Variants in SLC35F1 observed in about 807,000 individuals in gnomAD.
The protein encoded by SLC35F1 is solute carrier family 35 member F1, also known as chromosome 6 open reading frame 169.
Under a neutral mutation model 48.7 loss-of-function variants are expected in SLC35F1, and 14 were observed. That is an observed-to-expected ratio of 0.29 (90% confidence interval 0.19 to 0.45). The LOEUF (loss-of-function observed/expected upper bound fraction) is 0.45, where lower values mean the gene tolerates loss of function less well. Ranked by LOEUF, SLC35F1 falls within the 20% of genes least tolerant of loss-of-function variation. The probability of loss-of-function intolerance (pLI) is 1.00; values close to 1 mark genes in which losing one functional copy is unlikely to be tolerated. For missense variants in SLC35F1, 404 were observed against 500.0 expected, an observed-to-expected ratio of 0.81 and a Z score of 1.83; for synonymous variants, 190 against 202.2, an observed-to-expected ratio of 0.94 and a Z score of 0.51.
At chr6:118,288,101 A>G (rs1263246459) in intron 7 of SLC35F1, among the ~76,000 whole-genome samples, 1 of 151,976 alleles carries the variant, frequency 6.6e-6, no homozygotes, top group Admixed American at 6.6e-5. Context: ...GATCCAACAT[A>G]GTAGTCATTT....
intron 4 of SLC35F1, among the ~76,000 whole-genome samples, chr6:118,269,556 A>C (rs1385564783): frequency 6.6e-6 from 1 of 151,138 alleles, no homozygotes; most frequent in South Asian, 2.1e-4. Flanking sequence ...TATTTTTTTA[A>C]AGAAAAAAAA....
intron 1 of SLC35F1, among the ~76,000 whole-genome samples, chr6:118,056,775 A>G (rs965466490): frequency 3.9e-5 from 6 of 152,204 alleles, no homozygotes; most frequent in Non-Finnish European, 8.8e-5. Flanking sequence ...CATGAGCCTG[A>G]TAATCATTAT....
intron 1 of SLC35F1, among the ~76,000 whole-genome samples, chr6:118,149,556 C>T (rs1427584217): frequency 6.6e-6 from 1 of 152,166 alleles, no homozygotes; most frequent in Non-Finnish European, 1.5e-5. Context: ...CTCAGATGTG[C>T]AGGCTGCAAT....
At chr6:118,039,143 C>A (rs1448180669) in intron 1 of SLC35F1, among the ~76,000 whole-genome samples, 1 of 152,078 alleles carries the variant, frequency 6.6e-6, no homozygotes, top group Admixed American at 6.6e-5. Context: ...AATTTTGTTT[C>A]AACAGCTTTT....
At chr6:117,945,674 G>T (rs985910121) in intron 1 of SLC35F1, among the ~76,000 whole-genome samples, 19 of 152,190 alleles carry the variant, frequency 1.2e-4, no homozygotes, top group African/African-American at 4.6e-4. Flanking sequence ...AGTATTGCAG[G>T]TTTAATGAGA....
chr6:117,925,299 A>G (rs1776013908), intron 1 of SLC35F1, among the ~76,000 whole-genome samples: 1 of 152,026 alleles, frequency 6.6e-6, no homozygotes, highest in Non-Finnish European at 1.5e-5. Flanking sequence ...TTGCATTTAG[A>G]TGGGGGAGGA....
At chr6:118,150,909 A>T (rs1774046881) in intron 1 of SLC35F1, among the ~76,000 whole-genome samples, 2 of 152,148 alleles carry the variant, frequency 1.3e-5, no homozygotes, top group African/African-American at 4.8e-5. Flanking sequence ...TCACTTAGTC[A>T]CTACTAGCTA....
rs186321851 is a variant in SLC35F1, at chr6:118,214,159, G to A, written c.350-21350G>A. 2.0e-5 allele frequency among the ~76,000 whole-genome samples: 3 copies of A among 152,154 alleles called. No individual in the cohort carries two copies. The East Asian group carries it at 5.8e-4, about 29-fold the overall frequency. On this transcript the variant is annotated intron_variant, in intron 2 of 7. Transcript: ENST00000360388. ...TATATTACTTGTCTGCTATGTATAC[G>A]ATACTGTCTGGTACCATAGTAAGCA...
At chr6:118,224,769 A>G (rs1775193108) in intron 2 of SLC35F1, among the ~76,000 whole-genome samples, 1 of 152,170 alleles carries the variant, frequency 6.6e-6, no homozygotes, top group African/African-American at 2.4e-5. Flanking sequence ...GTATCTTGCA[A>G]CTTTACTGAA....
At chr6:118,003,545 T>C (rs1282119012) in intron 1 of SLC35F1, among the ~76,000 whole-genome samples, 2 of 152,170 alleles carry the variant, frequency 1.3e-5, no homozygotes, top group African/African-American at 4.8e-5. Context: ...TTTCTGGATA[T>C]AAGCTAAGAG....
chr6:118,159,634 A>G (rs1774198636), intron 2 of SLC35F1, among the ~76,000 whole-genome samples: 1 of 152,200 alleles, frequency 6.6e-6, no homozygotes, highest in Admixed American at 6.5e-5. Context: ...TGCTGAGATT[A>G]TGAACCAGAG....
At chr6:118,037,946 T>C (rs1269936177) in intron 1 of SLC35F1, among the ~76,000 whole-genome samples, 1 of 152,072 alleles carries the variant, frequency 6.6e-6, no homozygotes, top group Non-Finnish European at 1.5e-5. Context: ...AGAAGATGGG[T>C]TGATGGGTGC....
chr6:118,245,022 G>A (rs1330189698), intron 3 of SLC35F1, among the ~76,000 whole-genome samples: 1 of 152,166 alleles, frequency 6.6e-6, no homozygotes, highest in Admixed American at 6.5e-5. Flanking sequence ...CACCTTTTCA[G>A]TATTCTGCTA....
chr6:118,149,463 T>C (rs112809003), intron 1 of SLC35F1, among the ~76,000 whole-genome samples: 3 of 152,164 alleles, frequency 2.0e-5, no homozygotes, highest in African/African-American at 4.8e-5. Flanking sequence ...GCAGGGGGTA[T>C]AGTTAGCAGA....
intron 7 of SLC35F1, among the ~76,000 whole-genome samples, chr6:118,301,188 T>C (rs892194204): frequency 2.0e-5 from 3 of 152,152 alleles, no homozygotes; most frequent in Admixed American, 6.6e-5. Context: ...TTGGTAATTA[T>C]TTTTTTAATG....
Position 117,923,710 on chromosome 6 carries a change from C to CATATATGT in SLC35F1, c.173+15817_173+15818insGTATATAT, listed in dbSNP as rs1775961443. ...ACATATGTACATATACATATATGTA[C>CATATATGT]ATATATACATATATACATATGTATA... On this transcript the variant is annotated intron_variant, in intron 1 of 7. Transcript: ENST00000360388. Among the ~76,000 whole-genome samples the CATATATGT allele has an allele frequency of 2.7e-4, 6 of 22,554 alleles. 1 individual carries two copies. The highest frequency in any genetic ancestry group is 1.3e-3 in the Admixed American group (2 of 1,514). 14.8% of individuals were successfully genotyped at this position (22,554 alleles called of 152,430 possible).
intron 1 of SLC35F1, among the ~76,000 whole-genome samples, chr6:118,075,921 AG>A (rs769893982): frequency 6.4e-4 from 98 of 152,362 alleles, no homozygotes; most frequent in Non-Finnish European, 3.5e-4. Flanking sequence ...AAAATGCAAA[AG>A]ATCTGATAAT....
At chr6:118,049,064 T>C (rs1194767545) in intron 1 of SLC35F1, among the ~76,000 whole-genome samples, 1 of 152,000 alleles carries the variant, frequency 6.6e-6, no homozygotes, top group Non-Finnish European at 1.5e-5. Flanking sequence ...ATGCCGCATA[T>C]CTACAACCAT....
intron 1 of SLC35F1, among the ~76,000 whole-genome samples, chr6:118,080,775 T>G (rs763488116): frequency 8.3e-4 from 126 of 152,288 alleles, no homozygotes; most frequent in Non-Finnish European, 1.3e-3. Flanking sequence ...ATCATCTCCT[T>G]GCAGGGAAAC....
Sources: gnomAD v4.1 joint callset for allele counts (sites outside exome capture counted in the v4.1 genomes callset) on GRCh38, gnomAD v4.1.1 for gene constraint, MANE v1.5 for transcripts, NCBI Gene and HGNC (gene_info 2026-07-23, HGNC 2026-07-21) for gene names.